RGS5: variants seen among roughly 807,000 people sequenced by gnomAD.
The protein encoded by RGS5 is regulator of G-protein signalling 5.
In RGS5, 20 loss-of-function variants were observed where a neutral mutation model predicts 18.9. The observed-to-expected ratio is 1.06, with a 90% CI of 0.74 to 1.54. RGS5 has a LOEUF of 1.54. Ranked by LOEUF, RGS5 falls within the 40% of genes most tolerant of loss-of-function variation. The pLI, the probability that RGS5 is intolerant of heterozygous loss-of-function variation, is 0.00. For synonymous variants in RGS5, 57 were observed against 76.2 expected (o/e 0.75, Z 1.31); for missense variants, 201 against 211.8 (o/e 0.95, Z 0.32).
intron 2 of RGS5, among the ~76,000 whole-genome samples, chr1:163,274,364 C>T (rs1338032884): frequency 2.6e-5 from 4 of 152,156 alleles, no homozygotes; most frequent in Admixed American, 6.5e-5. Context: ...AGAGCTTCTA[C>T]GTTGGTGAAT....
rs375964318 is a variant in RGS5, at chr1:163,152,698, T to C, written c.236A>G (p.Lys79Arg). The change falls in exon 4 of 5, where the codon AAA becomes AGA. Residue 79 changes from lysine (K) to arginine (R), a missense_variant. Lys to Arg is a conservative substitution (Grantham distance 26). Coordinates refer to ENST00000313961, the MANE Select transcript of RGS5 (RefSeq NM_003617.4). ...LQNNYGLASFKSFLKSEFSEE... is the reference protein window; with the variant it reads ...LQNNYGLASFRSFLKSEFSEE... Reference sequence around the variant, plus strand: ...ACTGAATTCAGACTTCAGGAAACTTTTGAAACTGGCAAGTCCATCTGGAAA... The same window carrying C: ...ACTGAATTCAGACTTCAGGAAACTTCTGAAACTGGCAAGTCCATCTGGAAA... The C allele has an allele frequency of 2.0e-5, 32 of 1,596,734 alleles. No individual in the cohort carries two copies. In the African/African-American group the frequency reaches 4.2e-4, roughly 21 times the overall value.
At chr1:163,302,661 T>C (rs919860237) in intron 2 of RGS5, among the ~76,000 whole-genome samples, 4 of 152,210 alleles carry the variant, frequency 2.6e-5, no homozygotes, top group African/African-American at 9.6e-5. Flanking sequence ...TCTGCTTTAA[T>C]TTCCCTTTAC....
intron 1 of RGS5, among the ~76,000 whole-genome samples, chr1:163,215,991 GT>G (rs1227585311): frequency 6.6e-6 from 1 of 152,058 alleles, no homozygotes; most frequent in Non-Finnish European, 1.5e-5. Context: ...TAGAGAAAAA[GT>G]TTGCCAGAGT....
At chr1:163,182,505 C>T (rs1260643509) in intron 1 of RGS5, among the ~76,000 whole-genome samples, 2 of 152,176 alleles carry the variant, frequency 1.3e-5, no homozygotes, top group Non-Finnish European at 2.9e-5. Flanking sequence ...TCTGGGCTGT[C>T]TCTGACATGC....
chr1:163,166,817 G>A (rs80188744), intron 2 of RGS5, among the ~76,000 whole-genome samples: 5,908 of 152,310 alleles, frequency 0.039, 151 homozygotes, highest in Non-Finnish European at 0.066. Context: ...CTATGTGAAT[G>A]TTAAAGCAGA....
intron 2 of RGS5, among the ~76,000 whole-genome samples, chr1:163,270,005 A>AT (rs943660080): frequency 2.0e-5 from 3 of 152,010 alleles, no homozygotes; most frequent in Non-Finnish European, 2.9e-5. Flanking sequence ...CTGTTAACTC[A>AT]TTTTTTTTCT....
intron 1 of RGS5, among the ~76,000 whole-genome samples, chr1:163,313,129 A>G (rs1176035617): frequency 6.6e-6 from 1 of 152,210 alleles, no homozygotes; most frequent in Non-Finnish European, 1.5e-5. Flanking sequence ...TTCAATATCA[A>G]TTGGGGTAGA....
chr1:163,280,466 T>C (rs1047695861), intron 2 of RGS5, among the ~76,000 whole-genome samples: 1 of 152,186 alleles, frequency 6.6e-6, no homozygotes, highest in Non-Finnish European at 1.5e-5. Flanking sequence ...TAACTTTTCA[T>C]GTTAAAAACT....
intron 1 of RGS5, among the ~76,000 whole-genome samples, chr1:163,186,129 T>C (rs1380337582): frequency 6.6e-6 from 1 of 150,724 alleles, no homozygotes. Flanking sequence ...TGGAGTGCAG[T>C]GGTGCAATCT....
chr1:163,254,825 T>C (rs2101700999), intron 2 of RGS5, among the ~76,000 whole-genome samples: 1 of 151,790 alleles, frequency 6.6e-6, no homozygotes, highest in East Asian at 1.9e-4. Flanking sequence ...AATTTTTGTA[T>C]AAGGTGTAAG....
chr1:163,298,212 T>C (rs1571348313), intron 2 of RGS5, among the ~76,000 whole-genome samples: 1 of 152,238 alleles, frequency 6.6e-6, no homozygotes, highest in South Asian at 2.1e-4. Context: ...TTTGGAGTGA[T>C]AGAGAAGACA....
intron 2 of RGS5, among the ~76,000 whole-genome samples, chr1:163,298,269 T>C (rs1649472058): frequency 6.6e-6 from 1 of 152,080 alleles, no homozygotes; most frequent in Admixed American, 6.6e-5. Context: ...AAACAACAAG[T>C]AAAATTCCAA....
intron 2 of RGS5, among the ~76,000 whole-genome samples, chr1:163,229,717 CT>C (rs1431920252): frequency 1.1e-4 from 16 of 152,326 alleles, no homozygotes; most frequent in African/African-American, 3.8e-4. Context: ...CTCCTTCAGA[CT>C]TTTACTCAAA....
chr1:163,186,598 GA>G (rs369479396), intron 1 of RGS5, among the ~76,000 whole-genome samples: 27,649 of 116,382 alleles, frequency 0.24, 3,228 homozygotes, highest in African/African-American at 0.34. Flanking sequence ...AAAAAAAAAA[GA>G]AAAAGAAAAG....
chr1:163,220,761 G>T (rs759825739), upstream of RGS5, among the ~76,000 whole-genome samples: 3 of 152,134 alleles, frequency 2.0e-5, no homozygotes, highest in Non-Finnish European at 4.4e-5. Flanking sequence ...AATTAACCTG[G>T]ATTATCTCAG....
intron 1 of RGS5, among the ~76,000 whole-genome samples, chr1:163,185,218 A>T (rs1659019460): frequency 6.6e-6 from 1 of 152,018 alleles, no homozygotes. Context: ...ACACACACAC[A>T]CACGCAGAGG....
intron 2 of RGS5, chr1:163,238,622 C>T (rs1019445843): frequency 3.9e-5 from 9 of 229,402 alleles, no homozygotes; most frequent in African/African-American, 2.1e-4. Context: ...AAATGCAAAA[C>T]GCTTGGGTGG....
intron 2 of RGS5, among the ~76,000 whole-genome samples, chr1:163,280,648 T>C (rs1648969207): frequency 6.6e-6 from 1 of 152,088 alleles, no homozygotes. Flanking sequence ...CCCATGATCA[T>C]GGACTAGATG....
At chr1:163,209,348 G>A (rs1660045483) in intron 1 of RGS5, among the ~76,000 whole-genome samples, 1 of 152,040 alleles carries the variant, frequency 6.6e-6, no homozygotes, top group Non-Finnish European at 1.5e-5. Context: ...TTAATGTCTA[G>A]GTATTCATGT....
Sources: gnomAD v4.1 joint callset for allele counts (sites outside exome capture counted in the v4.1 genomes callset) on GRCh38, gnomAD v4.1.1 for gene constraint, MANE v1.5 for transcripts, NCBI Gene and HGNC (gene_info 2026-07-23, HGNC 2026-07-21) for gene names.